Variants in GDI2 observed in about 807,000 individuals in gnomAD.
GDI2 encodes the protein GDP dissociation inhibitor 2, also known as rab GDP dissociation inhibitor beta.
A neutral mutation model predicts 54.2 loss-of-function variants in GDI2; 22 were observed. The observed-to-expected ratio is 0.41, with a 90% CI of 0.29 to 0.58. The LOEUF (loss-of-function observed/expected upper bound fraction) is 0.58, where lower values mean the gene tolerates loss of function less well. Ranked by LOEUF, GDI2 falls within the 20% of genes least tolerant of loss-of-function variation. The pLI, the probability that GDI2 is intolerant of heterozygous loss-of-function variation, is 0.35. For missense variants in GDI2, 422 were observed against 546.0 expected, an observed-to-expected ratio of 0.77 and a Z score of 2.26; for synonymous variants, 177 against 182.1, an observed-to-expected ratio of 0.97 and a Z score of 0.23.
intron 6 of GDI2, among the ~76,000 whole-genome samples, chr10:5,775,665 C>T (rs1268978944): frequency 1.3e-5 from 2 of 152,136 alleles, no homozygotes; most frequent in South Asian, 4.1e-4. Flanking sequence ...GCGAAGGAAT[C>T]CACCAGAAAT....
At position 5,796,319 on chromosome 10, in the gene GDI2, A is replaced by AGT. The variant is rs1588983564; in HGVS notation, c.253+443_253+444insAC. 3.3e-5 allele frequency among the ~76,000 whole-genome samples: 5 copies of AGT among 151,116 alleles called. No homozygotes were observed. The East Asian group carries it at 9.7e-4, about 29-fold the overall frequency. ...AGCCAAGATCATGCCACTGCACTCC[A>AGT]GCCTGGGTGACAGAGCGAGACTCCG... On this transcript the variant is annotated intron_variant, in intron 3 of 10. Coordinates refer to ENST00000380191, the MANE Select transcript of GDI2 (RefSeq NM_001494.4).
chr10:5,774,875 G>A lies in GDI2; in HGVS notation c.720-934C>T, dbSNP rs1398129676. Among the ~76,000 whole-genome samples the A allele has an allele frequency of 6.7e-6, 1 of 149,838 alleles. No homozygotes were observed. The stretch of plus-strand genomic sequence containing the variant: ...TCAGAGGCAAATCTGCCATTTCTCT[G>A]GATTCACACCCAGGGGAAGGGGAAG... On this transcript the variant is annotated intron_variant, in intron 6 of 10. Coordinates refer to ENST00000380191, the MANE Select transcript of GDI2 (RefSeq NM_001494.4). This position sits in a 1 kb window ranked among gnomAD's most constrained non-coding sequence, Gnocchi z 4.8.
intron 1 of GDI2, 90 bp downstream of exon 1, chr10:5,813,124 C>G (rs1306572642): frequency 1.3e-6 from 1 of 760,716 alleles, no homozygotes; most frequent in Non-Finnish European, 2.0e-6. Flanking sequence ...GAACGAGACC[C>G]CCGAGGAGCT....
At chr10:5,783,324 CTTAAAT>C (rs60198779) in intron 6 of GDI2, among the ~76,000 whole-genome samples, 81,781 of 151,224 alleles carry the variant, frequency 0.54, 22,596 homozygotes, top group Middle Eastern at 0.67. Flanking sequence ...ACCCCTTTAC[CTTAAAT>C]TTGAGTCCTT....
In GDI2 at chr10:5,782,637, T is replaced by TA. The variant is rs1002572285; in HGVS notation, c.719+2504dup. Among the ~76,000 whole-genome samples, 11 of 150,994 alleles carry TA rather than the reference T, an allele frequency of 7.3e-5. 1 individual carries two copies. Among genetic ancestry groups the TA allele is most frequent in the African/African-American group, 2.2e-4 (9 of 41,054 alleles). On this transcript the variant is annotated intron_variant, in intron 6 of 10. Transcript: ENST00000380191. ...ATACAAAGGAATTCTACTCAACAAT[T>TA]AAAAAAAAAGAATTGGCCAGGCACA...
At chr10:5,775,493 T>G (rs559943984) in intron 6 of GDI2, among the ~76,000 whole-genome samples, 1 of 152,170 alleles carries the variant, frequency 6.6e-6, no homozygotes, top group African/African-American at 2.4e-5. Flanking sequence ...TGCAGTCCTA[T>G]TGATTTGAGA....
intron 1 of GDI2, among the ~76,000 whole-genome samples, chr10:5,809,438 T>A (rs971505099): frequency 6.6e-6 from 1 of 152,186 alleles, no homozygotes; most frequent in Non-Finnish European, 1.5e-5. Flanking sequence ...CATCCTTGAC[T>A]TAGCATTGAC....
chr10:5,795,044 T>C (rs933546817), intron 3 of GDI2, 25 bp from the exon 4 acceptor site: 9 of 1,475,866 alleles, frequency 6.1e-6, no homozygotes, highest in African/African-American at 1.4e-5. Flanking sequence ...TAATTCAAAC[T>C]ATAACTTAAG....
intron 6 of GDI2, among the ~76,000 whole-genome samples, chr10:5,778,229 T>C (rs1226873131): frequency 6.6e-6 from 1 of 152,178 alleles, no homozygotes; most frequent in Non-Finnish European, 1.5e-5. Context: ...TGTATACCTA[T>C]GTAACAAACC....
At chr10:5,807,844 A>G (rs1001409891) in intron 1 of GDI2, among the ~76,000 whole-genome samples, 2 of 152,228 alleles carry the variant, frequency 1.3e-5, no homozygotes, top group Non-Finnish European at 2.9e-5. Flanking sequence ...AATATATTAG[A>G]CAAAGCACCT....
intron 6 of GDI2, among the ~76,000 whole-genome samples, chr10:5,779,705 T>C (rs1272960256): frequency 6.6e-6 from 1 of 150,694 alleles, no homozygotes; most frequent in Non-Finnish European, 1.5e-5. Flanking sequence ...TTTTTTTTTT[T>C]TTGTAAGAGA....
At chr10:5,784,961 T>G (rs764508516) in intron 6 of GDI2, among the ~76,000 whole-genome samples, 181 bp downstream of exon 6, 2 of 152,182 alleles carry the variant, frequency 1.3e-5, no homozygotes, top group Non-Finnish European at 2.9e-5. Context: ...TGTATAAAAC[T>G]GGATTTTTTT....
At chr10:5,777,442 C>T (rs1253725767) in intron 6 of GDI2, among the ~76,000 whole-genome samples, 1 of 152,184 alleles carries the variant, frequency 6.6e-6, no homozygotes, top group African/African-American at 2.4e-5. Flanking sequence ...CATTCCAACT[C>T]CAGCCTGGGT....
rs139119635 is a variant in GDI2 at position 5,790,592 on chromosome 10, G to A, written c.388+4293C>T. Among the ~76,000 whole-genome samples, 163 of 152,260 alleles carry A rather than the reference G, an allele frequency of 1.1e-3. 3 individuals carry two copies. In the East Asian group the frequency reaches 0.022, roughly 21 times the overall value. ...ACTTGGGAGGTGGAAGTTGCAGTGAGCCAAGATTACACCATTGAACTCCAG... is the reference window on the plus strand; with the variant it reads ...ACTTGGGAGGTGGAAGTTGCAGTGAACCAAGATTACACCATTGAACTCCAG... On this transcript the variant is annotated intron_variant, in intron 4 of 10. Transcript: ENST00000380191.
chr10:5,810,428 G>A (rs1312750962), intron 1 of GDI2, among the ~76,000 whole-genome samples: 1 of 152,150 alleles, frequency 6.6e-6, no homozygotes, highest in African/African-American at 2.4e-5. Flanking sequence ...GTGGTGAGAG[G>A]CTGCCTACAC....
In GDI2 at chr10:5,803,182, T is replaced by C. The variant is rs140468990; in HGVS notation, c.46-2477A>G. ...CTTCTCACAATTTTGTTTTAGAAAATATACTCAGGCAGATGGCTTAAGCCC... is the reference window on the plus strand; with the variant it reads ...CTTCTCACAATTTTGTTTTAGAAAACATACTCAGGCAGATGGCTTAAGCCC... On this transcript the variant is annotated intron_variant, in intron 1 of 10. Transcript: ENST00000380191. 3.6e-3 allele frequency among the ~76,000 whole-genome samples: 546 copies of C among 152,218 alleles called. 3 individuals carry two copies. The highest frequency in any genetic ancestry group is 0.012 in the African/African-American group (519 of 41,538).
intron 6 of GDI2, among the ~76,000 whole-genome samples, chr10:5,783,516 T>C (rs1166499568): frequency 6.6e-6 from 1 of 152,178 alleles, no homozygotes; most frequent in Non-Finnish European, 1.5e-5. Flanking sequence ...CACCTTGTTT[T>C]TTTTCTTCAT....
In GDI2 at chr10:5,771,159, C is replaced by T. The variant is rs919610796; in HGVS notation, c.819+2683G>A. ...AAAGTCAAGGTAATTATTAAACTGT[C>T]GGTAACTACTGAAACTAGCTTTGCC... On this transcript the variant is annotated intron_variant, in intron 7 of 10. Coordinates refer to ENST00000380191, the MANE Select transcript of GDI2 (RefSeq NM_001494.4). 4.6e-5 allele frequency among the ~76,000 whole-genome samples: 7 copies of T among 152,120 alleles called. No individual in the cohort carries two copies. In the South Asian group the frequency reaches 1.0e-3, roughly 23 times the overall value.
At chr10:5,790,893 C>T (rs1012630856) in intron 4 of GDI2, among the ~76,000 whole-genome samples, 2 of 152,180 alleles carry the variant, frequency 1.3e-5, no homozygotes, top group East Asian at 1.9e-4. Flanking sequence ...CAGTGGCTCA[C>T]GCCTGTAGTG....
Sources: allele counts gnomAD v4.1 joint callset (sites outside exome capture counted in the v4.1 genomes callset), GRCh38; gene constraint gnomAD v4.1.1; non-coding constraint Gnocchi (gnomAD v3.1); transcripts MANE v1.5; gene names NCBI Gene and HGNC (gene_info 2026-07-23, HGNC 2026-07-21).